The following PTPRT variants were observed in gnomAD, a reference collection of about 807,000 sequenced individuals.
PTPRT encodes the protein receptor-type tyrosine-protein phosphatase T.
A neutral mutation model predicts 176.8 loss-of-function variants in PTPRT; 56 were observed. The ratio of observed to expected loss-of-function variants is 0.32; its 90% CI spans 0.26 to 0.40. The LOEUF is 0.40. PTPRT is among the 10% of genes least tolerant of loss of function. The pLI is 1.00. For missense variants in PTPRT, 1,540 were observed against 1,908.2 expected (o/e 0.81, Z 3.60); for synonymous variants, 783 against 739.0 (o/e 1.06, Z -0.96).
intron 7 of PTPRT, among the ~76,000 whole-genome samples, chr20:42,578,351 C>T (rs921234126): frequency 6.6e-6 from 1 of 152,112 alleles, no homozygotes; most frequent in Non-Finnish European, 1.5e-5. Flanking sequence ...AGCTGAGGCT[C>T]AGAGACAGTA....
chr20:43,070,968 T>TAAAAAAAAAAAA (rs11474990), intron 1 of PTPRT, among the ~76,000 whole-genome samples: 1 of 122,888 alleles, frequency 8.1e-6, no homozygotes. Context: ...AAAGTATAAT[T>TAAAAAAAAAAAA]AAAAAAAAAA....
the PTPRT span, among the ~76,000 whole-genome samples, chr20:42,035,668 G>A: frequency 1.3e-5 from 2 of 152,178 alleles, no homozygotes; most frequent in East Asian, 3.9e-4. Context: ...ACTTTCCTCT[G>A]GTCAGTAAGT....
chr20:43,137,200 A>G (rs1301737831), intron 1 of PTPRT, among the ~76,000 whole-genome samples: 1 of 152,164 alleles, frequency 6.6e-6, no homozygotes, highest in Non-Finnish European at 1.5e-5. Flanking sequence ...GCAGCATGTT[A>G]TGGGTACATG....
intron 1 of PTPRT, among the ~76,000 whole-genome samples, chr20:43,102,311 CACACACACAT>C (rs1371357528): frequency 6.6e-6 from 1 of 151,796 alleles, no homozygotes; most frequent in Non-Finnish European, 1.5e-5. Context: ...CACACACACA[CACACACACAT>C]ACACTTCCTA....
chr20:42,064,049 A>T, the PTPRT span: 2 of 150,680 alleles, frequency 1.3e-5, no homozygotes, highest in African/African-American at 4.9e-5. Flanking sequence ...TGATCAGGGG[A>T]TACTAGATAA....
intron 7 of PTPRT, among the ~76,000 whole-genome samples, chr20:42,605,910 C>T (rs891426445): frequency 6.6e-6 from 1 of 152,206 alleles, no homozygotes; most frequent in Non-Finnish European, 1.5e-5. Flanking sequence ...GCGCAAGACC[C>T]AGAAATGTCA....
At chr20:42,427,215 A>G (rs1209299000) in intron 9 of PTPRT, among the ~76,000 whole-genome samples, 1 of 152,142 alleles carries the variant, frequency 6.6e-6, no homozygotes, top group Non-Finnish European at 1.5e-5. Context: ...TCTATTTGGC[A>G]CCTACTGCAT....
chr20:43,183,834 C>G (rs74483092), intron 1 of PTPRT, among the ~76,000 whole-genome samples: 6,494 of 152,324 alleles, frequency 0.043, 193 homozygotes, highest in Non-Finnish European at 0.067. Flanking sequence ...GTTCTCGAGG[C>G]CCATCCATGG....
intron 15 of PTPRT, among the ~76,000 whole-genome samples, chr20:42,206,289 C>A (rs1012908137): frequency 6.6e-6 from 1 of 152,172 alleles, no homozygotes. Flanking sequence ...GCCAAGATGG[C>A]CGAATAGGAA....
intron 13 of PTPRT, among the ~76,000 whole-genome samples, chr20:42,280,326 T>C (rs1333122529): frequency 6.6e-6 from 1 of 152,186 alleles, no homozygotes; most frequent in Non-Finnish European, 1.5e-5. Flanking sequence ...AGCATCCTTC[T>C]TATCTGATGT....
intron 7 of PTPRT, among the ~76,000 whole-genome samples, chr20:42,647,913 A>G (rs2074943237): frequency 6.6e-6 from 1 of 152,196 alleles, no homozygotes; most frequent in Non-Finnish European, 1.5e-5. Context: ...TCATTAAGTA[A>G]TAACAAAGTC....
Position 42,588,806 on chromosome 20 carries a change from CCTAA to C in PTPRT, c.1153+89056_1153+89059del, listed in dbSNP as rs1323935512. Among the ~76,000 whole-genome samples, 12 of 152,076 alleles carry C rather than the reference CCTAA, an allele frequency of 7.9e-5. 1 individual carries two copies. The highest frequency in any genetic ancestry group is 2.2e-4 in the African/African-American group (9 of 41,394). ...AACAAGAGCAACAGTAAAATTAATA[CCTAA>C]CTAAGTGTTTATTGTGTGCTGGGCA... On this transcript the variant is annotated intron_variant, in intron 7 of 30. Coordinates refer to ENST00000373187, the MANE Select transcript of PTPRT (RefSeq NM_007050.6).
At chr20:42,251,723 AC>A (rs767138822) in intron 13 of PTPRT, among the ~76,000 whole-genome samples, 60 of 150,144 alleles carry the variant, frequency 4.0e-4, no homozygotes, top group African/African-American at 1.1e-3. Flanking sequence ...TACTTAAAAA[AC>A]AAAAAAAAGA....
At position 42,494,261 on chromosome 20, in the gene PTPRT, T is replaced by C. The variant is rs367637786; in HGVS notation, c.1154-21699A>G. Among the ~76,000 whole-genome samples, 470 of 152,246 alleles carry C rather than the reference T, an allele frequency of 3.1e-3. 22 individuals are homozygous for C. The South Asian group carries it at 0.092, about 30-fold the overall frequency. Reference sequence around the variant, plus strand: ...GCAAAAAGACACCTCTAATCCTCTATTTTAATTTGTTTTTATTGATCTCTT... The same window carrying C: ...GCAAAAAGACACCTCTAATCCTCTACTTTAATTTGTTTTTATTGATCTCTT... On this transcript the variant is annotated intron_variant, in intron 7 of 30. Transcript: ENST00000373187.
chr20:42,590,849 A>G (rs1394216917), intron 7 of PTPRT, among the ~76,000 whole-genome samples: 8 of 152,010 alleles, frequency 5.3e-5, no homozygotes, highest in Non-Finnish European at 7.4e-5. Context: ...TCGATAATTG[A>G]TTGGCTTATT....
chr20:42,883,747 CAT>C (rs1568658423), intron 2 of PTPRT, among the ~76,000 whole-genome samples: 2 of 1,050 alleles, frequency 1.9e-3, no homozygotes, highest in Non-Finnish European at 3.6e-3. Flanking sequence ...CACTCTCACA[CAT>C]ACCCATACAC....
intron 9 of PTPRT, among the ~76,000 whole-genome samples, chr20:42,378,521 A>T (rs1417139565): frequency 2.0e-5 from 3 of 152,090 alleles, no homozygotes; most frequent in Non-Finnish European, 2.9e-5. Context: ...GAGTTCTCCA[A>T]TGTGGGAATC....
intron 17 of PTPRT, among the ~76,000 whole-genome samples, chr20:42,152,932 T>C (rs965911991): frequency 6.6e-6 from 1 of 151,602 alleles, no homozygotes; most frequent in Non-Finnish European, 1.5e-5. Flanking sequence ...TTGTTTCTCC[T>C]AAAAAAAAAT....
chr20:43,157,367 C>CA (rs1350128145), intron 1 of PTPRT, among the ~76,000 whole-genome samples: 1 of 151,960 alleles, frequency 6.6e-6, no homozygotes, highest in Non-Finnish European at 1.5e-5. Context: ...GTGTCTCAAA[C>CA]AAACAAAAGA....
Sources: gnomAD v4.1 joint callset for allele counts (sites outside exome capture counted in the v4.1 genomes callset) on GRCh38, gnomAD v4.1.1 for gene constraint, MANE v1.5 for transcripts, NCBI Gene and HGNC (gene_info 2026-07-23, HGNC 2026-07-21) for gene names.